The following TENM2 variants were observed in gnomAD, a reference collection of about 807,000 sequenced individuals.
TENM2 encodes the protein teneurin transmembrane protein 2.
Under a neutral mutation model 245.2 loss-of-function variants are expected in TENM2, and 52 were observed. The observed-to-expected ratio is 0.21, with a 90% confidence interval of 0.17 to 0.27. The LOEUF is 0.27. Ranked by LOEUF, TENM2 falls within the 10% of genes least tolerant of loss-of-function variation. TENM2 has a pLI of 1.00. For missense variants in TENM2, 3,046 were observed against 3,666.8 expected, an observed-to-expected ratio of 0.83 and a Z score of 4.37; for synonymous variants, 1,363 against 1,438.9, an observed-to-expected ratio of 0.95 and a Z score of 1.19.
rs752758977 is a variant in TENM2 at position 168,247,016 on chromosome 5, C to T, written c.6077C>T (p.Ser2026Phe). The T allele has an allele frequency of 6.2e-7, 1 of 1,613,972 alleles. No homozygotes were observed. Among genetic ancestry groups the T allele is most frequent in the South Asian group, 1.1e-5 (1 of 91,080 alleles). Residue 2026 changes from serine to phenylalanine, a missense_variant, in exon 27 of 29, where the codon TCC (serine) becomes TTC (phenylalanine). Coordinates refer to ENST00000518659, the Ensembl canonical transcript of TENM2. The surrounding 1 kb of genome is among the most constrained non-coding windows in gnomAD (Gnocchi z 7.8). ...GTGTTCTACAAGTATGGGAAACTCT[C>T]CAAGTTATCAGAGATTGTCTACGAC...
intron 4 of TENM2, chr5:167,953,310 T>C (rs1270568912): frequency 5.9e-6 from 1 of 168,156 alleles, no homozygotes; most frequent in Non-Finnish European, 1.3e-5. Flanking sequence ...CTTTAATCCC[T>C]CCTGTACACA....
chr5:167,949,929 G>A (rs1420106542), intron 3 of TENM2, among the ~76,000 whole-genome samples: 4 of 152,188 alleles, frequency 2.6e-5, no homozygotes, highest in African/African-American at 9.7e-5. Context: ...ATGAGCAACA[G>A]TTAGGAGGAG....
intron 2 of TENM2, among the ~76,000 whole-genome samples, chr5:167,701,690 A>C (rs1486674116): frequency 1.3e-5 from 2 of 152,116 alleles, no homozygotes; most frequent in African/African-American, 4.8e-5. Context: ...CATACATACA[A>C]TGTTTGGCAA....
intron 2 of TENM2, among the ~76,000 whole-genome samples, chr5:167,596,888 A>G (rs943930626): frequency 6.6e-6 from 1 of 152,098 alleles, no homozygotes; most frequent in African/African-American, 2.4e-5. Context: ...TTTGGAAGAA[A>G]GGTTTTCTCC....
At chr5:167,124,101 G>T in the TENM2 span, among the ~76,000 whole-genome samples, 1 of 152,198 alleles carries the variant, frequency 6.6e-6, no homozygotes, top group African/African-American at 2.4e-5. Context: ...TTCAAGTGAG[G>T]TGGGTTTCCA....
chr5:168,091,095 C>A (rs765242050), intron 8 of TENM2, among the ~76,000 whole-genome samples: 1 of 152,064 alleles, frequency 6.6e-6, no homozygotes, highest in Non-Finnish European at 1.5e-5. Context: ...TAGGAACTAA[C>A]GTGAATGCCC....
chr5:168,180,016 G>A (rs1759723968), intron 13 of TENM2, among the ~76,000 whole-genome samples: 1 of 152,178 alleles, frequency 6.6e-6, no homozygotes, highest in Non-Finnish European at 1.5e-5. Context: ...GGGAGCTGGA[G>A]GACAGGGGCT....
intron 2 of TENM2, among the ~76,000 whole-genome samples, chr5:167,545,788 T>C (rs957702065): frequency 3.3e-5 from 5 of 152,226 alleles, no homozygotes; most frequent in African/African-American, 1.2e-4. Context: ...ATCTTAATTA[T>C]ATCTACTGCA....
chr5:167,001,998 A>C, the TENM2 span, among the ~76,000 whole-genome samples: 3 of 152,156 alleles, frequency 2.0e-5, no homozygotes, highest in East Asian at 5.8e-4. Context: ...TACTTATATC[A>C]AATTGATTCT....
At chr5:167,115,088 A>G in the TENM2 span, among the ~76,000 whole-genome samples, 11 of 152,342 alleles carry the variant, frequency 7.2e-5, no homozygotes, top group Non-Finnish European at 1.3e-4. Context: ...GCTGAGATCC[A>G]AGATCATACG....
intron 8 of TENM2, among the ~76,000 whole-genome samples, chr5:168,097,273 C>T (rs1793442547): frequency 6.6e-6 from 1 of 152,180 alleles, no homozygotes; most frequent in Non-Finnish European, 1.5e-5. Flanking sequence ...TGATACCCTG[C>T]ACATCAGACC....
chr5:167,224,713 T>C, the TENM2 span, among the ~76,000 whole-genome samples: 1 of 151,940 alleles, frequency 6.6e-6, no homozygotes, highest in African/African-American at 2.4e-5. Flanking sequence ...ATTTTTTTTA[T>C]TTCTGTGAAA....
intron 2 of TENM2, among the ~76,000 whole-genome samples, chr5:167,537,429 A>ATG (rs1771926903): frequency 1.3e-5 from 2 of 152,234 alleles, no homozygotes; most frequent in Admixed American, 6.5e-5. Flanking sequence ...CTTTGTGAAT[A>ATG]TGTGCTTAGG....
the TENM2 span, among the ~76,000 whole-genome samples, chr5:167,077,090 T>C: frequency 7.2e-5 from 11 of 152,224 alleles, no homozygotes; most frequent in Admixed American, 1.3e-4. Flanking sequence ...CCTCCCAAAG[T>C]GCTGGGATTA....
chr5:168,189,087 A>G (rs1760726765), intron 13 of TENM2, among the ~76,000 whole-genome samples: 1 of 152,234 alleles, frequency 6.6e-6, no homozygotes, highest in South Asian at 2.1e-4. Flanking sequence ...CACATGGCAG[A>G]AAGAGTACTG....
At chr5:167,939,966 G>A (rs1054688541) in intron 3 of TENM2, among the ~76,000 whole-genome samples, 5 of 152,164 alleles carry the variant, frequency 3.3e-5, no homozygotes, top group South Asian at 2.1e-4. Flanking sequence ...GTCTATTCCC[G>A]CTTGGGGTGT....
chr5:167,130,214 A>G, the TENM2 span, among the ~76,000 whole-genome samples: 2,179 of 152,318 alleles, frequency 0.014, 45 homozygotes, highest in African/African-American at 0.05. Context: ...AAAGAATAAT[A>G]CAAAAATTTT....
chr5:168,226,198 G>T (rs772389464), exon 24 of TENM2: 1 of 1,613,406 alleles, frequency 6.2e-7, no homozygotes, highest in Non-Finnish European at 8.5e-7. Context: ...AACTCCAACC[G>T]TGATGATGAC....
the TENM2 span, among the ~76,000 whole-genome samples, chr5:167,216,144 C>T: frequency 6.7e-6 from 1 of 148,434 alleles, no homozygotes; most frequent in African/African-American, 2.5e-5. Flanking sequence ...TGTCATACAC[C>T]TAGTAAAGGC....
Sources: allele counts gnomAD v4.1 joint callset (sites outside exome capture counted in the v4.1 genomes callset), GRCh38; gene constraint gnomAD v4.1.1; non-coding constraint Gnocchi (gnomAD v3.1); transcripts MANE v1.5; gene names NCBI Gene and HGNC (gene_info 2026-07-23, HGNC 2026-07-21).